The following DGKH variants were observed in gnomAD, a reference collection of about 807,000 sequenced individuals.
DGKH encodes the protein DAG kinase eta.
DGKH carries 90 observed loss-of-function variants against 159.3 expected under a neutral mutation model. That is an observed-to-expected ratio of 0.57 (90% CI 0.48 to 0.67). The LOEUF is 0.67. DGKH is among the 30% of genes least tolerant of loss of function. The probability of loss-of-function intolerance (pLI) is 0.00; values close to 1 mark genes in which losing one functional copy is unlikely to be tolerated. For synonymous variants in DGKH, 536 were observed against 553.8 expected (o/e 0.97, Z 0.45); for missense variants, 1,181 against 1,506.1 (o/e 0.78, Z 3.57).
At chr13:42,079,516 A>C (rs745711322) in intron 1 of DGKH, among the ~76,000 whole-genome samples, 4 of 152,094 alleles carry the variant, frequency 2.6e-5, no homozygotes, top group Admixed American at 6.5e-5. Context: ...GATATTCTTA[A>C]AGAAACCTCT....
chr13:42,151,239 C>T (rs962907933), intron 3 of DGKH, among the ~76,000 whole-genome samples: 4 of 151,998 alleles, frequency 2.6e-5, no homozygotes, highest in African/African-American at 9.7e-5. Flanking sequence ...GAATAGTGCA[C>T]ATTGTGCAAA....
intron 2 of DGKH, among the ~76,000 whole-genome samples, chr13:42,128,903 C>T (rs979969822): frequency 3.3e-5 from 5 of 152,140 alleles, no homozygotes; most frequent in Non-Finnish European, 5.9e-5. Flanking sequence ...GCAGTTCTTG[C>T]GGTGCACCGT....
exon 31 of DGKH, chr13:42,256,381 TCCTC>T (rs1436441811): frequency 6.3e-7 from 1 of 1,583,646 alleles, no homozygotes; most frequent in African/African-American, 1.3e-5. Context: ...CAGCTCTCAA[TCCTC>T]GTATAGCGTA....
At chr13:42,224,436 C>T (rs1002613107) in intron 29 of DGKH, among the ~76,000 whole-genome samples, 4 of 152,208 alleles carry the variant, frequency 2.6e-5, no homozygotes, top group African/African-American at 9.6e-5. Flanking sequence ...CTGCTCCATG[C>T]TACTGTCCAG....
At chr13:42,219,639 T>A (rs1406525639) in intron 27 of DGKH, 47 bp from the exon 28 acceptor site, 1 of 1,278,348 alleles carries the variant, frequency 7.8e-7, no homozygotes, top group Non-Finnish European at 1.0e-6. Context: ...TAGGTTTTTC[T>A]CCTTTTCATA....
intron 1 of DGKH, among the ~76,000 whole-genome samples, chr13:42,060,955 G>T (rs116580707): frequency 6.6e-6 from 1 of 152,220 alleles, no homozygotes; most frequent in African/African-American, 2.4e-5. Context: ...GGGGTTCATT[G>T]TCACACTCCA....
At position 42,181,231 on chromosome 13, in the gene DGKH, T is replaced by C. The variant is rs952784628; in HGVS notation, c.1538+3011T>C. 2.9e-5 allele frequency among the ~76,000 whole-genome samples: 4 copies of C among 137,878 alleles called. No homozygotes were observed. In the East Asian group the frequency reaches 9.2e-4, roughly 32 times the overall value. The allele number at this position is 137,878 out of a possible 152,430, so 90.5% of individuals were successfully genotyped here. A position where few individuals can be genotyped will look rare whatever the true frequency, so the allele number is the denominator to read the frequency against. On this transcript the variant is annotated intron_variant, in intron 13 of 29. Coordinates refer to ENST00000337343, the MANE Select transcript of DGKH (RefSeq NM_178009.5). ...GGCGGAGCTTGCAGTGAGCGGAGAT[T>C]GCGCCACTGCACTCCCGCCTGGGCC...
At chr13:42,151,610 CACA>C (rs750426744) in intron 3 of DGKH, among the ~76,000 whole-genome samples, 13,351 of 128,404 alleles carry the variant, frequency 0.1, 1,136 homozygotes, top group East Asian at 0.42. Flanking sequence ...CACACACACA[CACA>C]CCCCATGGAA....
At chr13:42,119,409 T>C (rs1304795635) in intron 1 of DGKH, among the ~76,000 whole-genome samples, 1 of 152,240 alleles carries the variant, frequency 6.6e-6, no homozygotes, top group East Asian at 1.9e-4. Flanking sequence ...CCGAGGTGGC[T>C]TCCCATGGTG....
At chr13:42,142,011 G>A (rs1955575290) in intron 3 of DGKH, among the ~76,000 whole-genome samples, 1 of 151,296 alleles carries the variant, frequency 6.6e-6, no homozygotes, top group Admixed American at 6.6e-5. Context: ...TTTTCTTCTA[G>A]GGTTTTTATG....
intron 21 of DGKH, among the ~76,000 whole-genome samples, chr13:42,206,975 T>TTTTCTTTCTTTCTTTCTTTC (rs748683859): frequency 0.013 from 1,095 of 82,248 alleles, 55 homozygotes; most frequent in East Asian, 0.021. Flanking sequence ...TACTTTTACT[T>TTTTCTTTCTTTCTTTCTTTC]TTTCTTTCTT....
intron 3 of DGKH, among the ~76,000 whole-genome samples, chr13:42,133,353 G>T (rs1173172315): frequency 6.6e-6 from 1 of 152,062 alleles, no homozygotes; most frequent in African/African-American, 2.4e-5. Flanking sequence ...TTTTGAAGAA[G>T]TTTCTTCATT....
At chr13:42,154,441 A>G (rs1011101865) in intron 3 of DGKH, among the ~76,000 whole-genome samples, 9 of 152,226 alleles carry the variant, frequency 5.9e-5, no homozygotes, top group African/African-American at 1.9e-4. Context: ...TCAGAACCTT[A>G]CTTTGAAGCA....
At chr13:42,073,101 A>G (rs1320601540) in intron 1 of DGKH, among the ~76,000 whole-genome samples, 1 of 152,204 alleles carries the variant, frequency 6.6e-6, no homozygotes, top group Admixed American at 6.5e-5. Flanking sequence ...GAATGGTTCT[A>G]GTTTTGAGAA....
At chr13:42,089,355 GTATT>G (rs1226729577) in intron 1 of DGKH, among the ~76,000 whole-genome samples, 4 of 152,110 alleles carry the variant, frequency 2.6e-5, no homozygotes, top group African/African-American at 9.7e-5. Flanking sequence ...AGATAATAAA[GTATT>G]AATAAATTTA....
intron 24 of DGKH, among the ~76,000 whole-genome samples, chr13:42,213,388 A>G (rs1566199913): frequency 6.6e-6 from 1 of 152,182 alleles, no homozygotes; most frequent in Non-Finnish European, 1.5e-5. Context: ...GATGGGTTCC[A>G]TGTTGGGCTT....
intron 13 of DGKH, among the ~76,000 whole-genome samples, chr13:42,179,812 A>C (rs1711930918): frequency 1.3e-5 from 2 of 151,978 alleles, no homozygotes; most frequent in Admixed American, 6.6e-5. Context: ...TATTAGAGAA[A>C]AGGTTTCCAC....
intron 1 of DGKH, among the ~76,000 whole-genome samples, chr13:42,064,496 G>A (rs1271785298): frequency 2.6e-5 from 4 of 152,112 alleles, no homozygotes; most frequent in Admixed American, 6.5e-5. Flanking sequence ...CAGGAAAAGC[G>A]TGGGTGGATA....
At chr13:42,070,167 T>C (rs536496200) in intron 1 of DGKH, 3 of 925,732 alleles carry the variant, frequency 3.2e-6, no homozygotes, top group African/African-American at 3.2e-5. Flanking sequence ...AGAGCGCTTC[T>C]TCTGCTATTA....
Sources: gnomAD v4.1 joint callset for allele counts (sites outside exome capture counted in the v4.1 genomes callset) on GRCh38, gnomAD v4.1.1 for gene constraint, MANE v1.5 for transcripts, NCBI Gene and HGNC (gene_info 2026-07-23, HGNC 2026-07-21) for gene names.